The following MOSMO variants were observed in gnomAD, a reference collection of about 807,000 sequenced individuals.
MOSMO encodes the protein modulator of smoothened protein.
A neutral mutation model predicts 18.4 loss-of-function variants in MOSMO; 5 were observed. The observed-to-expected ratio is 0.27, with a 90% CI of 0.14 to 0.57. MOSMO has a LOEUF of 0.57. Among genes scored for constraint, MOSMO ranks in the 20% least tolerant of loss-of-function variants. MOSMO has a pLI of 0.92. For synonymous variants in MOSMO, 82 were observed against 82.3 expected, an observed-to-expected ratio of 1.00 and a Z score of 0.02; for missense variants, 138 against 211.8, an observed-to-expected ratio of 0.65 and a Z score of 2.16.
chr16:22,070,205 A>G (rs1412473330), intron 1 of MOSMO, among the ~76,000 whole-genome samples: 1 of 152,200 alleles, frequency 6.6e-6, no homozygotes, highest in Non-Finnish European at 1.5e-5. Flanking sequence ...AGAACAGTGA[A>G]GCACGGAATT....
rs1266329460 is a variant in MOSMO, at chr16:22,075,541, G to A, written c.161G>A (p.Arg54Gln). 5.9e-6 allele frequency: 9 copies of A among 1,537,306 alleles called. No individual in the cohort carries two copies. The highest frequency in any genetic ancestry group is 2.4e-5 in the South Asian group (2 of 84,068). Residue 54 changes from arginine (R) to glutamine (Q), a missense_variant, in exon 2 of 3, where the codon CGG becomes CAG. By Grantham distance (43) the Arg-to-Gln change is conservative. Coordinates refer to ENST00000542527, the MANE Select transcript of MOSMO (RefSeq NM_001164579.2). ...RQCQTIHGRD[R>Q]TCIPPRLPPE... ...TGTCAAACAATCCATGGACGAGACC[G>A]GACGTGCATCCCTCCCCGGCTTCCC...
At chr16:22,015,081 A>G (rs1899610539) in intron 1 of MOSMO, among the ~76,000 whole-genome samples, 1 of 152,020 alleles carries the variant, frequency 6.6e-6, no homozygotes, top group South Asian at 2.1e-4. Flanking sequence ...CATTTTCATT[A>G]CTCCAAGACC....
intron 1 of MOSMO, among the ~76,000 whole-genome samples, chr16:22,043,383 T>C (rs533508679): frequency 1.3e-5 from 2 of 152,198 alleles, no homozygotes; most frequent in Non-Finnish European, 2.9e-5. Flanking sequence ...TTGACACATA[T>C]AGGGATTATT....
chr16:22,033,329 T>C (rs954948086), intron 1 of MOSMO, among the ~76,000 whole-genome samples: 1 of 152,154 alleles, frequency 6.6e-6, no homozygotes, highest in African/African-American at 2.4e-5. Context: ...TGTCTTTCTA[T>C]TTATTAAATC....
chr16:22,065,209 T>C (rs1018768877), intron 1 of MOSMO, among the ~76,000 whole-genome samples: 3 of 152,198 alleles, frequency 2.0e-5, no homozygotes, highest in African/African-American at 7.2e-5. Flanking sequence ...ACTACAGTCA[T>C]GCTTACAAAC....
At chr16:22,035,551 C>G (rs1008078494) in intron 1 of MOSMO, among the ~76,000 whole-genome samples, 3 of 152,090 alleles carry the variant, frequency 2.0e-5, no homozygotes, top group African/African-American at 7.2e-5. Flanking sequence ...AGGAATTCCT[C>G]TTACAGGTTA....
chr16:22,011,002 T>C (rs1343526303), intron 1 of MOSMO, among the ~76,000 whole-genome samples: 2 of 151,962 alleles, frequency 1.3e-5, no homozygotes, highest in Non-Finnish European at 2.9e-5. Context: ...AGTATAACTC[T>C]TTAAAATTTG....
chr16:22,059,299 A>G (rs1428197563), intron 1 of MOSMO, among the ~76,000 whole-genome samples: 1 of 152,126 alleles, frequency 6.6e-6, no homozygotes, highest in East Asian at 1.9e-4. Flanking sequence ...GTCTGTTCAG[A>G]TGTAATAAGG....
chr16:22,008,482 G>T, intron 1 of MOSMO, 75 bp downstream of exon 1: 1 of 970,190 alleles, frequency 1.0e-6, no homozygotes, highest in South Asian at 1.8e-5. Context: ...CCGGACTGAG[G>T]AGAGGACGGG....
chr16:22,033,173 G>T (rs1900031873), intron 1 of MOSMO, among the ~76,000 whole-genome samples: 1 of 151,964 alleles, frequency 6.6e-6, no homozygotes, highest in Non-Finnish European at 1.5e-5. Flanking sequence ...TGAGTCCCTT[G>T]CATTTCCATA....
chr16:22,051,982 T>C (rs553362373), intron 1 of MOSMO, among the ~76,000 whole-genome samples: 17 of 152,270 alleles, frequency 1.1e-4, no homozygotes, highest in African/African-American at 3.9e-4. Flanking sequence ...AAACATGGTT[T>C]GAGAGTTTTT....
intron 1 of MOSMO, among the ~76,000 whole-genome samples, chr16:22,025,548 A>G (rs1899858513): frequency 6.6e-6 from 1 of 152,216 alleles, no homozygotes; most frequent in South Asian, 2.1e-4. Flanking sequence ...TATTGAATAC[A>G]AATTGAAATC....
At chr16:22,050,721 A>C (rs931787062) in intron 1 of MOSMO, among the ~76,000 whole-genome samples, 1 of 151,952 alleles carries the variant, frequency 6.6e-6, no homozygotes. Flanking sequence ...TCTCCTTAAA[A>C]AAATTTTTTT....
intron 1 of MOSMO, among the ~76,000 whole-genome samples, chr16:22,062,913 C>T (rs1020637215): frequency 1.1e-4 from 16 of 152,302 alleles, no homozygotes; most frequent in African/African-American, 2.9e-4. Flanking sequence ...GGTGCCATGA[C>T]GCGATCTCGG....
chr16:22,092,609 G>A, the MOSMO span: 2 of 1,550,118 alleles, frequency 1.3e-6, no homozygotes, highest in African/African-American at 2.7e-5. Flanking sequence ...GGAGTGCCAG[G>A]AGCCCTTCTC....
At chr16:22,017,832 G>C (rs1899672030) in intron 1 of MOSMO, among the ~76,000 whole-genome samples, 2 of 152,144 alleles carry the variant, frequency 1.3e-5, no homozygotes. Flanking sequence ...AATATGCAAT[G>C]AGCAAGTAGA....
At position 22,071,759 on chromosome 16, in the gene MOSMO, A is replaced by T. The variant is rs578216782; in HGVS notation, c.107-3728A>T. ...GGTTAGTTACCTAGGAAACAGCTGCAGGGTACAGATGGATTGGCTGTTTGG... is the reference window on the plus strand; with the variant it reads ...GGTTAGTTACCTAGGAAACAGCTGCTGGGTACAGATGGATTGGCTGTTTGG... On this transcript the variant is annotated intron_variant, in intron 1 of 2. Coordinates refer to ENST00000542527, the MANE Select transcript of MOSMO (RefSeq NM_001164579.2). 9.2e-5 allele frequency among the ~76,000 whole-genome samples: 14 copies of T among 152,292 alleles called. 1 individual carries two copies. The South Asian group carries it at 2.9e-3, about 32-fold the overall frequency.
intron 1 of MOSMO, among the ~76,000 whole-genome samples, chr16:22,034,190 T>TA (rs1162219281): frequency 1.3e-5 from 2 of 152,220 alleles, no homozygotes; most frequent in African/African-American, 4.8e-5. Flanking sequence ...TACTTATCCA[T>TA]AAGCTGTAAT....
intron 1 of MOSMO, among the ~76,000 whole-genome samples, chr16:22,034,115 A>G (rs1424705356): frequency 6.6e-6 from 1 of 152,228 alleles, no homozygotes; most frequent in Non-Finnish European, 1.5e-5. Flanking sequence ...AACAAGTAGT[A>G]CAATTACTTT....
Sources: allele counts gnomAD v4.1 joint callset (sites outside exome capture counted in the v4.1 genomes callset), GRCh38; gene constraint gnomAD v4.1.1; transcripts MANE v1.5; gene names NCBI Gene and HGNC (gene_info 2026-07-23, HGNC 2026-07-21).